Variants in SIK3 observed in about 807,000 individuals in gnomAD.
The protein encoded by SIK3 is SIK family kinase 3.
A neutral mutation model predicts 144.2 loss-of-function variants in SIK3; 28 were observed. That is an observed-to-expected ratio of 0.19 (90% CI 0.14 to 0.27). SIK3 has a LOEUF of 0.27. Among genes scored for constraint, SIK3 ranks in the 10% least tolerant of loss-of-function variants. SIK3 has a pLI of 1.00. For synonymous variants in SIK3, 686 were observed against 676.3 expected, an observed-to-expected ratio of 1.01 and a Z score of -0.22; for missense variants, 1,319 against 1,776.0, an observed-to-expected ratio of 0.74 and a Z score of 4.62.
chr11:117,070,326 C>T (rs1954206314), intron 1 of SIK3, among the ~76,000 whole-genome samples: 1 of 152,208 alleles, frequency 6.6e-6, no homozygotes, highest in Admixed American at 6.5e-5. Flanking sequence ...TCGCTACTGC[C>T]TGTAATCCCA....
rs113011586 is a variant in SIK3 at position 117,048,732 on chromosome 11, G to A, written c.273+49411C>T. ...AGTATCTACTAAGAAAGGTCTATGCGGTACATATCCAAGAAAAAAATGCCA... is the reference window on the plus strand; with the variant it reads ...AGTATCTACTAAGAAAGGTCTATGCAGTACATATCCAAGAAAAAAATGCCA... On this transcript the variant is annotated intron_variant, in intron 1 of 24. Transcript: ENST00000445177. 1.8e-3 allele frequency among the ~76,000 whole-genome samples: 268 copies of A among 152,046 alleles called. 1 individual carries two copies. The highest frequency in any genetic ancestry group is 6.8e-3 in the Middle Eastern group (2 of 294).
intron 3 of SIK3, among the ~76,000 whole-genome samples, chr11:116,949,570 A>G (rs1457676802): frequency 6.6e-6 from 1 of 151,726 alleles, no homozygotes; most frequent in African/African-American, 2.4e-5. Context: ...CTGACCTCCA[A>G]CTCCTAGGCT....
intron 3 of SIK3, chr11:116,950,033 G>A: frequency 2.2e-6 from 1 of 456,450 alleles, no homozygotes; most frequent in Non-Finnish European, 4.5e-6. Flanking sequence ...CAGCAGCCTG[G>A]GGTCCTCTCA....
At chr11:116,946,813 T>C (rs555441997) in intron 3 of SIK3, among the ~76,000 whole-genome samples, 1 of 152,222 alleles carries the variant, frequency 6.6e-6, no homozygotes, top group Admixed American at 6.5e-5. Flanking sequence ...CTCTGCCATT[T>C]TATTAATATT....
intron 17 of SIK3, 122 bp downstream of exon 17, chr11:116,862,080 T>C (rs1303811476): frequency 7.0e-7 from 1 of 1,437,024 alleles, no homozygotes; most frequent in Non-Finnish European, 9.7e-7. Flanking sequence ...TACTCAAACA[T>C]GTCAACCATA....
chr11:116,898,812 T>C (rs1460240611), intron 4 of SIK3, among the ~76,000 whole-genome samples: 2 of 152,132 alleles, frequency 1.3e-5, no homozygotes, highest in Non-Finnish European at 2.9e-5. Context: ...GCCCACTTTT[T>C]GATGGTGTTG....
At chr11:116,895,304 T>G (rs1239514728) in intron 6 of SIK3, among the ~76,000 whole-genome samples, 1 of 152,164 alleles carries the variant, frequency 6.6e-6, no homozygotes, top group Non-Finnish European at 1.5e-5. Flanking sequence ...ACCCTCACCT[T>G]CTTTCAGGCT....
intron 1 of SIK3, among the ~76,000 whole-genome samples, chr11:117,042,898 A>G (rs556511699): frequency 3.3e-5 from 5 of 152,214 alleles, no homozygotes; most frequent in Non-Finnish European, 7.3e-5. Flanking sequence ...TGTTGGTGCA[A>G]TTATGCAGTT....
At chr11:117,068,779 A>AAC (rs1277759957) in intron 1 of SIK3, among the ~76,000 whole-genome samples, 2 of 152,366 alleles carry the variant, frequency 1.3e-5, no homozygotes, top group African/African-American at 4.8e-5. Flanking sequence ...GGTTATTCCT[A>AAC]ACCCAAAATG....
At chr11:116,854,131 G>C (rs140870040) in intron 21 of SIK3, among the ~76,000 whole-genome samples, 97 of 152,314 alleles carry the variant, frequency 6.4e-4, no homozygotes, top group African/African-American at 1.9e-3. Flanking sequence ...AGGCCAAGAA[G>C]GGAGGATTGT....
At chr11:116,855,968 C>T (rs763689342) in intron 21 of SIK3, among the ~76,000 whole-genome samples, 14 of 152,166 alleles carry the variant, frequency 9.2e-5, no homozygotes, top group East Asian at 1.9e-4. Context: ...GAGGCCAAGG[C>T]GTGCGGATCA....
In SIK3 at chr11:116,867,490, A is replaced by C. The variant is rs1017479712; in HGVS notation, c.1952+456T>G. ...AGAGGATCTCTGCTCTACTATTCAG[A>C]AGGGGCTTTGTCTTCATTTCCAGGC... On this transcript the variant is annotated intron_variant, in intron 15 of 24. Coordinates refer to ENST00000445177, the MANE Select transcript of SIK3 (RefSeq NM_001366686.3). This position sits in a 1 kb window ranked among gnomAD's most constrained non-coding sequence, Gnocchi z 4.1. Among the ~76,000 whole-genome samples the C allele has an allele frequency of 1.3e-5, 2 of 152,174 alleles. No individual in the cohort carries two copies. Among genetic ancestry groups the C allele is most frequent in the Admixed American group, 6.5e-5 (1 of 15,280 alleles).
chr11:116,899,084 C>A lies in SIK3; in HGVS notation c.617-1767G>T, dbSNP rs922667557. Among the ~76,000 whole-genome samples the A allele has an allele frequency of 4.7e-4, 71 of 152,082 alleles. 1 individual carries two copies. Among genetic ancestry groups the A allele is most frequent in the Non-Finnish European group, 5.4e-4 (37 of 68,034 alleles). On this transcript the variant is annotated intron_variant, in intron 4 of 24. Transcript: ENST00000445177. The stretch of plus-strand genomic sequence containing the variant: ...TGAATGGTAATGCCTAGGTTTTCTT[C>A]TAGGGTTTTTATGGTTTTAGGTCTA...
intron 1 of SIK3, among the ~76,000 whole-genome samples, chr11:117,064,496 T>G (rs2135969089): frequency 1.3e-5 from 2 of 152,338 alleles, no homozygotes; most frequent in Admixed American, 1.3e-4. Context: ...TAGTGGCAGT[T>G]CAGTCTTTAA....
At chr11:116,917,644 G>C (rs1436308949) in intron 4 of SIK3, among the ~76,000 whole-genome samples, 2 of 151,848 alleles carry the variant, frequency 1.3e-5, no homozygotes, top group African/African-American at 2.4e-5. Context: ...ATGAGTTCAA[G>C]GTTACAGTGA....
chr11:116,909,845 C>CA (rs1946244265), intron 4 of SIK3, among the ~76,000 whole-genome samples: 1 of 152,180 alleles, frequency 6.6e-6, no homozygotes, highest in Non-Finnish European at 1.5e-5. Flanking sequence ...TATCAGAACT[C>CA]AGAGTGTAGG....
intron 4 of SIK3, among the ~76,000 whole-genome samples, chr11:116,909,604 G>T (rs186984847): frequency 6.6e-6 from 1 of 152,160 alleles, no homozygotes; most frequent in Non-Finnish European, 1.5e-5. Flanking sequence ...CTCCTCCACT[G>T]CTATTTCTCG....
At chr11:117,075,226 C>G (rs1295735947) in intron 1 of SIK3, among the ~76,000 whole-genome samples, 2 of 152,212 alleles carry the variant, frequency 1.3e-5, no homozygotes, top group Non-Finnish European at 1.5e-5. Flanking sequence ...ATACTTTTCA[C>G]TGTATTTCAC....
Position 116,849,150 on chromosome 11 carries a change from G to A in SIK3, c.3789C>T (p.His1263=), listed in dbSNP as rs1467724105. The change falls in exon 22 of 25, where the codon CAC becomes CAT. Residue 1263 remains histidine, a synonymous_variant. Transcript: ENST00000445177. This position sits in a 1 kb window ranked among gnomAD's most constrained non-coding sequence, Gnocchi z 4.2. The part of the protein sequence containing the change: ...EHHRPRALQR[H]HTIQNSDDAY... ...CATCGTCGCTGTTCTGGATCGTGTG[G>A]TGTCTCTGGAGGGCCCGGGGCCTGT... 10 of 1,610,418 alleles carry A rather than the reference G, an allele frequency of 6.2e-6. No individual in the cohort carries two copies. The highest frequency in any genetic ancestry group is 8.5e-6 in the Non-Finnish European group (10 of 1,177,426).
Sources: gnomAD v4.1 joint callset for allele counts (sites outside exome capture counted in the v4.1 genomes callset) on GRCh38, gnomAD v4.1.1 for gene constraint, Gnocchi (gnomAD v3.1) non-coding constraint, MANE v1.5 for transcripts, NCBI Gene and HGNC (gene_info 2026-07-23, HGNC 2026-07-21) for gene names.